Variants in SUGCT observed in about 807,000 individuals in gnomAD.
The protein encoded by SUGCT is succinyl-CoA:glutarate CoA-transferase.
A neutral mutation model predicts 55.0 loss-of-function variants in SUGCT; 41 were observed. The observed-to-expected ratio is 0.74, with a 90% CI of 0.58 to 0.97. SUGCT has a LOEUF of 0.97. Among genes scored for constraint, SUGCT ranks in the 50% least tolerant of loss-of-function variants. The pLI is 0.00. For missense variants in SUGCT, 568 were observed against 547.8 expected (o/e 1.04, Z -0.37); for synonymous variants, 187 against 200.4 (o/e 0.93, Z 0.56).
intron 12 of SUGCT, among the ~76,000 whole-genome samples, chr7:40,674,451 C>A (rs1036051029): frequency 5.9e-5 from 9 of 152,160 alleles, no homozygotes; most frequent in Admixed American, 6.5e-5. Context: ...CTGAAATACT[C>A]ATGAAGACAT....
chr7:40,771,087 A>G (rs1789077744), intron 13 of SUGCT, among the ~76,000 whole-genome samples: 1 of 152,220 alleles, frequency 6.6e-6, no homozygotes, highest in Non-Finnish European at 1.5e-5. Flanking sequence ...TATGCTTTTA[A>G]AAGTTTTCTA....
At chr7:40,632,478 A>G (rs970424176) in intron 12 of SUGCT, among the ~76,000 whole-genome samples, 1 of 147,514 alleles carries the variant, frequency 6.8e-6, no homozygotes, top group African/African-American at 2.5e-5. Context: ...GTCCATTTTC[A>G]TCATCTGTAC....
the SUGCT span, among the ~76,000 whole-genome samples, chr7:40,889,375 A>G: frequency 6.6e-6 from 1 of 152,166 alleles, no homozygotes; most frequent in South Asian, 2.1e-4. Context: ...CCTTGCTGGG[A>G]GGAGAGAGTG....
intron 13 of SUGCT, among the ~76,000 whole-genome samples, chr7:40,787,243 A>G (rs1156339932): frequency 6.6e-6 from 1 of 152,202 alleles, no homozygotes; most frequent in Non-Finnish European, 1.5e-5. Context: ...ATCACCAGGG[A>G]ACTACCAAGA....
intron 9 of SUGCT, among the ~76,000 whole-genome samples, chr7:40,338,077 C>G (rs868380039): frequency 4.4e-4 from 67 of 152,216 alleles, no homozygotes; most frequent in African/African-American, 1.5e-3. Flanking sequence ...AATATTGGCC[C>G]CCACTCTCTT....
chr7:40,396,565 C>T (rs1412447625), intron 9 of SUGCT, among the ~76,000 whole-genome samples: 6 of 152,134 alleles, frequency 3.9e-5, no homozygotes, highest in African/African-American at 1.4e-4. Flanking sequence ...CGATTTACTT[C>T]CCATTTGACT....
At position 40,725,142 on chromosome 7, in the gene SUGCT, CT is replaced by C. The variant is rs201989334; in HGVS notation, c.1090-24291del. Among the ~76,000 whole-genome samples the C allele has an allele frequency of 8.9e-3, 1,351 of 152,236 alleles. 14 individuals carry two copies. Among genetic ancestry groups the C allele is most frequent in the African/African-American group, 0.031 (1,272 of 41,542 alleles). On this transcript the variant is annotated intron_variant, in intron 12 of 13. Transcript: ENST00000335693. ...AGGACTTAACACATATGGTAGTGTT[CT>C]CAAGCGGTTATAGAATGTAGAATTT...
chr7:40,766,540 A>T (rs1788801199), intron 13 of SUGCT, among the ~76,000 whole-genome samples: 2 of 152,176 alleles, frequency 1.3e-5, no homozygotes, highest in Non-Finnish European at 2.9e-5. Flanking sequence ...TGCAAATCTA[A>T]ATTCCTGCAA....
chr7:40,434,466 G>A (rs572969350), intron 9 of SUGCT, among the ~76,000 whole-genome samples: 1 of 152,110 alleles, frequency 6.6e-6, no homozygotes, highest in East Asian at 1.9e-4. Context: ...GCAGATTCAG[G>A]CTGAACTTCA....
chr7:40,977,631 A>G, the SUGCT span, among the ~76,000 whole-genome samples: 2 of 152,190 alleles, frequency 1.3e-5, no homozygotes, highest in Non-Finnish European at 2.9e-5. Flanking sequence ...CCGACCAGAA[A>G]TGGAAACCAC....
intron 1 of SUGCT, chr7:40,152,656 G>T: frequency 5.4e-6 from 1 of 184,276 alleles, no homozygotes; most frequent in Non-Finnish European, 1.3e-5. Context: ...AGACTTGGCT[G>T]GAAAACTCCC....
At chr7:40,571,628 A>G (rs1796454918) in intron 12 of SUGCT, among the ~76,000 whole-genome samples, 1 of 152,190 alleles carries the variant, frequency 6.6e-6, no homozygotes, top group South Asian at 2.1e-4. Flanking sequence ...AATGCTCAAG[A>G]AAATGTTTTT....
In SUGCT at chr7:40,195,708, C is replaced by CTTTTTTT. The variant is rs928397687; in HGVS notation, c.484+666_484+672dup. Among the ~76,000 whole-genome samples the CTTTTTTT allele has an allele frequency of 2.4e-3, 170 of 69,414 alleles. 5 individuals carry two copies. Among genetic ancestry groups the CTTTTTTT allele is most frequent in the Middle Eastern group, 0.018 (1 of 56 alleles). 45.5% of individuals were successfully genotyped at this position (69,414 alleles called of 152,430 possible). ...GGTGAATTTACAGTTGAAAACAATTCTTTTTTTTTTTTTTTTTTTTTTTTG... is the reference window on the plus strand; with the variant it reads ...GGTGAATTTACAGTTGAAAACAATTCTTTTTTTTTTTTTTTTTTTTTTTTTTTTTTTG... On this transcript the variant is annotated intron_variant, in intron 6 of 13. Transcript: ENST00000335693.
At chr7:40,166,303 A>G (rs1784421377) in intron 1 of SUGCT, among the ~76,000 whole-genome samples, 1 of 152,200 alleles carries the variant, frequency 6.6e-6, no homozygotes, top group African/African-American at 2.4e-5. Flanking sequence ...CTGAGCTCTT[A>G]TATAGTAGAG....
chr7:40,980,912 G>A, the SUGCT span, among the ~76,000 whole-genome samples: 3 of 152,162 alleles, frequency 2.0e-5, no homozygotes, highest in Admixed American at 2.0e-4. Flanking sequence ...TGCTCAGGCT[G>A]GTCTCAAACT....
chr7:40,655,732 A>C (rs948210702), intron 12 of SUGCT, among the ~76,000 whole-genome samples: 1 of 152,238 alleles, frequency 6.6e-6, no homozygotes, highest in African/African-American at 2.4e-5. Context: ...TGTTCAGTTT[A>C]CCACAATCAT....
At chr7:40,522,533 A>G (rs1163504034) in intron 12 of SUGCT, among the ~76,000 whole-genome samples, 1 of 152,110 alleles carries the variant, frequency 6.6e-6, no homozygotes, top group Non-Finnish European at 1.5e-5. Flanking sequence ...TGAAAAGAGA[A>G]ACGATGTGTT....
chr7:40,323,568 T>C (rs1040183684), intron 9 of SUGCT, among the ~76,000 whole-genome samples: 1 of 151,968 alleles, frequency 6.6e-6, no homozygotes, highest in East Asian at 1.9e-4. Flanking sequence ...ATTTAAAAAG[T>C]TTTTTTTAGA....
chr7:40,838,204 CCTT>C (rs1253868570), intron 13 of SUGCT, among the ~76,000 whole-genome samples: 7 of 152,232 alleles, frequency 4.6e-5, no homozygotes, highest in Admixed American at 3.3e-4. Context: ...CTACTTTACC[CCTT>C]TTTTCAAAAT....
Sources: gnomAD v4.1 joint callset for allele counts (sites outside exome capture counted in the v4.1 genomes callset) on GRCh38, gnomAD v4.1.1 for gene constraint, MANE v1.5 for transcripts, NCBI Gene and HGNC (gene_info 2026-07-23, HGNC 2026-07-21) for gene names.